MTUS2: variants seen among roughly 807,000 people sequenced by gnomAD.
The protein encoded by MTUS2 is microtubule associated scaffold protein 2.
Under a neutral mutation model 114.1 loss-of-function variants are expected in MTUS2, and 40 were observed. The observed-to-expected ratio is 0.35, with a 90% CI of 0.27 to 0.46. MTUS2 has a LOEUF of 0.46. Among genes scored for constraint, MTUS2 ranks in the 20% least tolerant of loss-of-function variants. MTUS2 has a pLI of 1.00. For synonymous variants in MTUS2, 688 were observed against 672.0 expected (o/e 1.02, Z -0.37); for missense variants, 1,679 against 1,705.4 (o/e 0.98, Z 0.27).
At chr13:29,243,887 G>A (rs1317391436) in intron 5 of MTUS2, among the ~76,000 whole-genome samples, 1 of 152,166 alleles carries the variant, frequency 6.6e-6, no homozygotes, top group Non-Finnish European at 1.5e-5. Context: ...AAAAGCACTG[G>A]GATAATTGAT....
chr13:29,125,057 C>CT (rs1371944157), intron 5 of MTUS2, among the ~76,000 whole-genome samples: 4 of 152,148 alleles, frequency 2.6e-5, no homozygotes, highest in African/African-American at 7.2e-5. Context: ...TACCACTGAA[C>CT]TTTACACTTA....
chr13:29,457,918 T>G (rs1178245105), intron 9 of MTUS2, among the ~76,000 whole-genome samples: 1 of 152,220 alleles, frequency 6.6e-6, no homozygotes, highest in African/African-American at 2.4e-5. Flanking sequence ...GCACTTTTTT[T>G]TAAATGTAGA....
intron 5 of MTUS2, among the ~76,000 whole-genome samples, chr13:29,255,435 T>C (rs938552412): frequency 6.6e-6 from 1 of 152,202 alleles, no homozygotes; most frequent in Non-Finnish European, 1.5e-5. Context: ...AACTCACCCA[T>C]ATTAAATATT....
intron 4 of MTUS2, among the ~76,000 whole-genome samples, chr13:29,036,481 T>G (rs528476867): frequency 6.6e-6 from 1 of 152,352 alleles, no homozygotes; most frequent in Admixed American, 6.5e-5. Context: ...AGAATGTATA[T>G]TCTATCAGAT....
At chr13:29,095,781 A>G (rs1890152786) in intron 4 of MTUS2, among the ~76,000 whole-genome samples, 1 of 94,214 alleles carries the variant, frequency 1.1e-5, no homozygotes. Flanking sequence ...ATTTCATTTT[A>G]GTTATTTTGC....
At chr13:28,825,565 A>C (rs980848948) in intron 1 of MTUS2, among the ~76,000 whole-genome samples, 4 of 152,078 alleles carry the variant, frequency 2.6e-5, no homozygotes, top group African/African-American at 9.7e-5. Context: ...AACATCTGCT[A>C]ACCAGAACAA....
rs10706342 is a variant in MTUS2 at position 29,351,778 on chromosome 13, ATTT to A, written c.2906-7469_2906-7467del. Among the ~76,000 whole-genome samples the A allele has an allele frequency of 9.5e-4, 135 of 141,570 alleles. 1 individual carries two copies. The highest frequency in any genetic ancestry group is 3.5e-3 in the Middle Eastern group (1 of 286). 92.9% of individuals were successfully genotyped at this position (141,570 alleles called of 152,430 possible). The stretch of plus-strand genomic sequence containing the variant: ...CCACCATACCTGGCTAATTTTGTTT[ATTT>A]TTTTTTTTTTTTTTGTAGAGATGAT... On this transcript the variant is annotated intron_variant, in intron 7 of 15. Transcript: ENST00000612955.
chr13:28,908,401 C>A lies in MTUS2; in HGVS notation c.-243+68551C>A, dbSNP rs982009234. Among the ~76,000 whole-genome samples, 3 of 151,386 alleles carry A rather than the reference C, an allele frequency of 2.0e-5. 1 individual carries two copies. The highest frequency in any genetic ancestry group is 7.3e-5 in the African/African-American group (3 of 40,968). On this transcript the variant is annotated intron_variant, in intron 2 of 15. Transcript: ENST00000612955. ...GTGAGAACATGCAGTGTTTGGTTTT[C>A]TGTCCTTGTGATAGTTTGCTGAGAA...
At chr13:28,920,333 G>A (rs1011333895) in intron 2 of MTUS2, among the ~76,000 whole-genome samples, 2 of 152,210 alleles carry the variant, frequency 1.3e-5, no homozygotes, top group Admixed American at 1.3e-4. Flanking sequence ...GTGCTGCCTT[G>A]GTGGTCTTTG....
chr13:29,462,914 C>T lies in MTUS2; in HGVS notation c.3185-17236C>T, dbSNP rs78535239. On this transcript the variant is annotated intron_variant, in intron 9 of 15. Transcript: ENST00000612955. ...CCCCGATGATGTCCTCGTTCTAGTC[C>T]CCAGAGCCTGTGTTAACCTCCTGTG... 1.1e-3 allele frequency among the ~76,000 whole-genome samples: 172 copies of T among 152,158 alleles called. 1 individual carries two copies. In the East Asian group the frequency reaches 0.031, roughly 28 times the overall value.
chr13:29,333,184 G>A (rs1168754457), intron 7 of MTUS2, among the ~76,000 whole-genome samples: 3 of 152,174 alleles, frequency 2.0e-5, no homozygotes. Context: ...GCAGTTTTGA[G>A]TGAGTTTCTT....
At chr13:29,306,810 T>G in intron 6 of MTUS2, 1 of 417,876 alleles carries the variant, frequency 2.4e-6, no homozygotes, top group South Asian at 1.8e-5. Flanking sequence ...TCGACAGATT[T>G]GGTCATGTTA....
At chr13:29,330,461 TGGCTTTTGTTGCCAC>T (rs1374455932) in intron 7 of MTUS2, among the ~76,000 whole-genome samples, 1 of 152,220 alleles carries the variant, frequency 6.6e-6, no homozygotes, top group Non-Finnish European at 1.5e-5. Context: ...TTGTCGATTT[TGGCTTTTGTTGCCAC>T]AGCTTTTGGT....
chr13:29,337,604 T>TG (rs766268882), intron 7 of MTUS2, among the ~76,000 whole-genome samples: 563 of 54,310 alleles, frequency 0.01, 4 homozygotes, highest in Admixed American at 0.025. Context: ...TTTATTTTTC[T>TG]ATTTTTTTTT....
At chr13:29,420,217 T>A (rs773871054) in intron 8 of MTUS2, among the ~76,000 whole-genome samples, 1 of 151,930 alleles carries the variant, frequency 6.6e-6, no homozygotes, top group Non-Finnish European at 1.5e-5. Context: ...TGCTCTTTTT[T>A]CTTCCTTCCT....
intron 5 of MTUS2, among the ~76,000 whole-genome samples, chr13:29,176,246 C>A (rs1893767358): frequency 6.6e-6 from 1 of 152,178 alleles, no homozygotes; most frequent in African/African-American, 2.4e-5. Flanking sequence ...CTCTTCCTTG[C>A]TCCCCATTGG....
Position 29,378,634 on chromosome 13 carries a change from T to A in MTUS2, c.3117+19161T>A, listed in dbSNP as rs547229323. Among the ~76,000 whole-genome samples, 10 of 152,300 alleles carry A rather than the reference T, an allele frequency of 6.6e-5. No homozygotes were observed. In the South Asian group the frequency reaches 2.1e-3, roughly 32 times the overall value. On this transcript the variant is annotated intron_variant, in intron 8 of 15. Coordinates refer to ENST00000612955, the MANE Select transcript of MTUS2 (RefSeq NM_001033602.4). ...AAAGATTTGAAAAAAACAGTGAACCTGGGCAGAAATTAATCTTTAGTCTCT... is the reference window on the plus strand; with the variant it reads ...AAAGATTTGAAAAAAACAGTGAACCAGGGCAGAAATTAATCTTTAGTCTCT...
At chr13:29,388,893 G>T (rs1034680272) in intron 8 of MTUS2, among the ~76,000 whole-genome samples, 2 of 151,738 alleles carry the variant, frequency 1.3e-5, no homozygotes, top group Non-Finnish European at 2.9e-5. Flanking sequence ...AACTGAAAAA[G>T]GCATATCTAT....
intron 8 of MTUS2, among the ~76,000 whole-genome samples, chr13:29,420,949 A>C (rs1876051733): frequency 6.6e-6 from 1 of 152,240 alleles, no homozygotes; most frequent in Admixed American, 6.5e-5. Context: ...CATCAGTAGC[A>C]ACCTTCCTAT....
Sources: gnomAD v4.1 joint callset for allele counts (sites outside exome capture counted in the v4.1 genomes callset) on GRCh38, gnomAD v4.1.1 for gene constraint, MANE v1.5 for transcripts, NCBI Gene and HGNC (gene_info 2026-07-23, HGNC 2026-07-21) for gene names.